ADAMTSL2: variants seen among roughly 807,000 people sequenced by gnomAD.
The protein encoded by ADAMTSL2 is ADAMTS-like protein 2.
ADAMTSL2 carries 55 observed loss-of-function variants against 117.0 expected under a neutral mutation model. The ratio of observed to expected loss-of-function variants is 0.47; its 90% CI spans 0.38 to 0.59. The LOEUF (loss-of-function observed/expected upper bound fraction) is 0.59. ADAMTSL2 is among the 20% of genes least tolerant of loss of function. ADAMTSL2 has a pLI of 0.00. For missense variants in ADAMTSL2, 1,182 were observed against 1,354.5 expected (o/e 0.87, Z 2.00); for synonymous variants, 572 against 566.4 (o/e 1.01, Z -0.14).
rs757684437 is a variant in ADAMTSL2, at chr9:133,554,691, G to A, written c.1274G>A (p.Arg425Gln). Residue 425 changes from arginine to glutamine, a missense_variant and splice_region_variant, in exon 10 of 19, where the codon CGA becomes CAA. Coordinates refer to ENST00000651351, the MANE Select transcript of ADAMTSL2 (RefSeq NM_014694.4). The surrounding 1 kb of genome is among the most constrained non-coding windows in gnomAD (Gnocchi z 5.2). The part of the protein sequence containing the change: ...CEGPPRGKGF[R>Q]DRNVTGTPLT... ...GGGCCCCCCAGGGGCAAGGGCTTCC[G>A]AGGTAACCAGGAGGAGGGAGGCATG... The A allele has an allele frequency of 5.8e-5, 87 of 1,487,604 alleles. No homozygotes were observed. Among genetic ancestry groups the A allele is most frequent in the Non-Finnish European group, 6.7e-5 (75 of 1,116,750 alleles). 92.2% of individuals were successfully genotyped at this position (1,487,604 alleles called of 1,614,324 possible).
chr9:133,573,166 G>C (rs1236164773), intron 17 of ADAMTSL2, among the ~76,000 whole-genome samples: 1 of 152,256 alleles, frequency 6.6e-6, no homozygotes, highest in South Asian at 2.1e-4. Context: ...GGTCCCAGAC[G>C]TGCCTGGATG....
At chr9:133,564,889 T>C (rs1830927486) in intron 12 of ADAMTSL2, among the ~76,000 whole-genome samples, 1 of 152,122 alleles carries the variant, frequency 6.6e-6, no homozygotes, top group African/African-American at 2.4e-5. Flanking sequence ...CCCTCCATCC[T>C]GTGCCTCGCA....
chr9:133,573,822 CT>C lies in ADAMTSL2; in HGVS notation c.2593-19del. 1 of 1,613,950 alleles carries C rather than the reference CT, an allele frequency of 6.2e-7. No individual in the cohort carries two copies. Among genetic ancestry groups the C allele is most frequent in the Non-Finnish European group, 8.5e-7 (1 of 1,180,010 alleles). ...CCCCATCAGGAGGCTTTCCCCATGCCTTCTGTCTCTCCCACACCAGTGCACC... is the reference window on the plus strand; with the variant it reads ...CCCCATCAGGAGGCTTTCCCCATGCCTCTGTCTCTCCCACACCAGTGCACC... On this transcript the variant is annotated intron_variant, in intron 17 of 18. Transcript: ENST00000651351.
In ADAMTSL2 at chr9:133,557,512, C is replaced by G. The variant is rs1355193676; in HGVS notation, c.1649+1582C>G. On this transcript the variant is annotated intron_variant, in intron 11 of 18. Coordinates refer to ENST00000651351, the MANE Select transcript of ADAMTSL2 (RefSeq NM_014694.4). The surrounding 1 kb of genome is among the most constrained non-coding windows in gnomAD (Gnocchi z 5.2). ...AGGACTCGGGCGGGGAGGGCCGGGC[C>G]TTGCTTTGGGTATAGTGTCTGAGTC... is the stretch of plus-strand genomic sequence containing the variant. Among the ~76,000 whole-genome samples, 1 of 152,138 alleles carries G rather than the reference C, an allele frequency of 6.6e-6. No homozygotes were observed. Among genetic ancestry groups the G allele is most frequent in the African/African-American group, 2.4e-5 (1 of 41,426 alleles).
rs1191772439 is a variant in ADAMTSL2, at chr9:133,536,597, A to G, written c.-116A>G. 1 of 1,609,824 alleles carries G rather than the reference A, an allele frequency of 6.2e-7. No homozygotes were observed. The highest frequency in any genetic ancestry group is 1.7e-5 in the Admixed American group (1 of 59,162). ...GACAACCACGACCAACTAGTCCCAG[A>G]TAACCTTGAGGCCTGGGCACTGGCT... is the stretch of plus-strand genomic sequence containing the variant. On this transcript the variant is annotated 5_prime_UTR_variant, in exon 2 of 19. Coordinates refer to ENST00000651351, the MANE Select transcript of ADAMTSL2 (RefSeq NM_014694.4).
chr9:133,555,682 TGACTTGAAG>T lies in ADAMTSL2; in HGVS notation c.1407_1415del (p.Leu469_Asp471del). ...CTGACCAGCTGCTGGGCGCAGGCTC[TGACTTGAAG>T]GACTTCACCCTCAATGAGACTGTGA... On this transcript the variant is annotated inframe_deletion, in exon 11 of 19. Transcript: ENST00000651351. The T allele has an allele frequency of 1.9e-6, 3 of 1,613,888 alleles. No homozygotes were observed. The highest frequency in any genetic ancestry group is 2.5e-6 in the Non-Finnish European group (3 of 1,180,036).
In ADAMTSL2 at chr9:133,569,434, CACCA is replaced by C; in HGVS notation, c.2272_2275del (p.Thr758SerfsTer13). Reference sequence around the variant, plus strand: ...GCAGTGGAAGCTGCGGGCAAGGCCGCACCATCAGGCACGTGTACTGCAAGACCAG... The same window carrying C: ...GCAGTGGAAGCTGCGGGCAAGGCCGCTCAGGCACGTGTACTGCAAGACCAG... On this transcript the variant is annotated frameshift_variant, in exon 16 of 19. Transcript: ENST00000651351. LOFTEE classifies it high-confidence loss of function. The C allele has an allele frequency of 6.2e-7, 1 of 1,613,532 alleles. No homozygotes were observed.
intron 7 of ADAMTSL2, among the ~76,000 whole-genome samples, chr9:133,541,829 G>A (rs576424284): frequency 5.3e-5 from 8 of 152,332 alleles, no homozygotes; most frequent in East Asian, 1.9e-4. Context: ...GGGGGTGGGC[G>A]TCTGTGCATG....
upstream of ADAMTSL2, chr9:133,534,431 C>G (rs1829999146): frequency 3.4e-6 from 1 of 292,206 alleles, no homozygotes; most frequent in Non-Finnish European, 6.3e-6. Flanking sequence ...CCGGTAACCT[C>G]AGGCCAGCGG....
In ADAMTSL2 at chr9:133,544,541, G is replaced by A. The variant is rs1564497196; in HGVS notation, c.754G>A (p.Asp252Asn). Residue 252 changes from aspartate to asparagine, a missense_variant, in exon 8 of 19, where the codon GAC becomes AAC. Transcript: ENST00000651351. ...IQIVERKKSA[D>N]VLALADEAGY... The stretch of plus-strand genomic sequence containing the variant: ...GATTGTAGAGAGGAAGAAGTCCGCT[G>A]ACGTGCTAGGTGGGTACGCAGTGTC... The A allele has an allele frequency of 1.2e-6, 2 of 1,614,134 alleles. No homozygotes were observed. Among genetic ancestry groups the A allele is most frequent in the Non-Finnish European group, 1.7e-6 (2 of 1,179,968 alleles).
chr9:133,566,789 C>T lies in ADAMTSL2; in HGVS notation c.1748-147C>T, dbSNP rs879181621. 1,421 of 1,072,594 alleles carry T rather than the reference C, an allele frequency of 1.3e-3. 25 individuals are homozygous for T. The South Asian group carries it at 0.018, about 14-fold the overall frequency. 66.4% of individuals were successfully genotyped at this position (1,072,594 alleles called of 1,614,324 possible). On this transcript the variant is annotated intron_variant, in intron 12 of 18. Coordinates refer to ENST00000651351, the MANE Select transcript of ADAMTSL2 (RefSeq NM_014694.4). ...CAGCTCAGACCCACAGTGCTGCCCT[C>T]ATGCCACAGTTGCACAAGCTGTGAC...
At chr9:133,567,157 G>C in intron 13 of ADAMTSL2, 95 bp downstream of exon 13, 4 of 1,480,036 alleles carry the variant, frequency 2.7e-6, no homozygotes, top group Non-Finnish European at 2.7e-6. Context: ...GCCCCGTAGA[G>C]GTTCTTCGTG....
intron 9 of ADAMTSL2, among the ~76,000 whole-genome samples, chr9:133,552,910 G>A (rs375599075): frequency 6.6e-6 from 1 of 152,184 alleles, no homozygotes; most frequent in African/African-American, 2.4e-5. Context: ...TTACCAAGGC[G>A]CTAACTTCTT....
intron 17 of ADAMTSL2, 141 bp from the exon 18 acceptor site, chr9:133,573,702 C>G: frequency 1.0e-6 from 1 of 991,388 alleles, no homozygotes; most frequent in Non-Finnish European, 1.5e-6. Context: ...TGGGCTTCCA[C>G]GGGTCCTGTG....
chr9:133,548,315 T>C (rs745321678), intron 9 of ADAMTSL2, among the ~76,000 whole-genome samples: 8 of 152,194 alleles, frequency 5.3e-5, no homozygotes, highest in Non-Finnish European at 1.2e-4. Context: ...CACACTGCTT[T>C]TTGGCTGAAG....
upstream of ADAMTSL2, chr9:133,534,579 G>A (rs994412781): frequency 8.0e-6 from 9 of 1,122,844 alleles, no homozygotes; most frequent in African/African-American, 1.5e-4. Context: ...CTCCAGAGGC[G>A]CAGAGCGGGT....
chr9:133,534,857 G>C lies in ADAMTSL2; in HGVS notation c.-211G>C, dbSNP rs546297514. ...CCGCACGCACAGCGCACCTGGCGCC[G>C]TCTGCCCTCCGCAGCGCTCGCCCCT... On this transcript the variant is annotated 5_prime_UTR_variant, in exon 1 of 19. Transcript: ENST00000651351. 2.5e-4 allele frequency: 377 copies of C among 1,493,010 alleles called. 2 individuals are homozygous for C. In the African/African-American group the frequency reaches 4.9e-3, roughly 19 times the overall value. The allele number at this position is 1,493,010 out of a possible 1,614,324, so 92.5% of individuals were successfully genotyped here.
rs1165229155 is a variant in ADAMTSL2 at position 133,558,820 on chromosome 9, TTCCAAGAACGGAACC to T, written c.1650-2376_1650-2362del. ...TTGGTGTTCCGCTTCCCTGTGCTAC[TTCCAAGAACGGAACC>T]TGCTAGGCGTTGCATTGTTGTGCAA... On this transcript the variant is annotated intron_variant, in intron 11 of 18. Transcript: ENST00000651351. This position sits in a 1 kb window ranked among gnomAD's most constrained non-coding sequence, Gnocchi z 4.3. 2.6e-5 allele frequency among the ~76,000 whole-genome samples: 4 copies of T among 152,232 alleles called. No homozygotes were observed. Among genetic ancestry groups the T allele is most frequent in the Non-Finnish European group, 4.4e-5 (3 of 68,036 alleles).
chr9:133,574,923 A>G lies in ADAMTSL2; in HGVS notation c.*59A>G. ...CAAGCGCCCCTCCTGGGGCTGCTGCAGCTTCTGGGGCCTCCACAGACCCCC... is the reference window on the plus strand; with the variant it reads ...CAAGCGCCCCTCCTGGGGCTGCTGCGGCTTCTGGGGCCTCCACAGACCCCC... On this transcript the variant is annotated 3_prime_UTR_variant, in exon 19 of 19. Transcript: ENST00000651351. 7.2e-7 allele frequency: 1 copy of G among 1,383,406 alleles called. No individual in the cohort carries two copies. The highest frequency in any genetic ancestry group is 1.0e-6 in the Non-Finnish European group (1 of 973,318). The allele number at this position is 1,383,406 out of a possible 1,614,324, so 85.7% of individuals were successfully genotyped here. A position where few individuals can be genotyped will look rare whatever the true frequency, so the allele number is the denominator to read the frequency against.
Sources: allele counts gnomAD v4.1 joint callset (sites outside exome capture counted in the v4.1 genomes callset), GRCh38; gene constraint gnomAD v4.1.1; non-coding constraint Gnocchi (gnomAD v3.1); transcripts MANE v1.5; gene names NCBI Gene and HGNC (gene_info 2026-07-23, HGNC 2026-07-21).